Variants in SYN3 observed in about 807,000 individuals in gnomAD.
SYN3 encodes the protein synapsin III.
Under a neutral mutation model 65.8 loss-of-function variants are expected in SYN3, and 35 were observed. The ratio of observed to expected loss-of-function variants is 0.53; its 90% confidence interval spans 0.41 to 0.70. The LOEUF is 0.70. Ranked by LOEUF, SYN3 falls within the 30% of genes least tolerant of loss-of-function variation. The pLI, the probability that SYN3 is intolerant of heterozygous loss-of-function variation, is 0.00. For synonymous variants in SYN3, 270 were observed against 292.9 expected (o/e 0.92, Z 0.80); for missense variants, 680 against 749.0 (o/e 0.91, Z 1.08).
At chr22:33,044,619 T>C (rs1239455022) in intron 1 of SYN3, among the ~76,000 whole-genome samples, 1 of 151,828 alleles carries the variant, frequency 6.6e-6, no homozygotes, top group Admixed American at 6.6e-5. Context: ...CTGGTTGTCA[T>C]TTCTCCAACT....
rs1175943424 is a variant in SYN3 at position 32,513,809 on chromosome 22, CA to C, written c.1625del (p.Leu542ArgfsTer29). On this transcript the variant is annotated frameshift_variant, in exon 14 of 14. Transcript: ENST00000358763. LOFTEE classifies it high-confidence loss of function. Reference protein sequence around the residue: ...PHPHLNKSQSLTNSLSTSDTS... With the variant: ...PHPHLNKSQSXTNSLSTSDTS... The stretch of plus-strand genomic sequence containing the variant: ...TGTCGGATGTGCTGAGGCTGTTAGT[CA>C]GGGACTGAGATTTGCTGAAACAGAA... 1 of 1,613,982 alleles carries C rather than the reference CA, an allele frequency of 6.2e-7. No individual in the cohort carries two copies. Among genetic ancestry groups the C allele is most frequent in the East Asian group, 2.2e-5 (1 of 44,892 alleles).
intron 6 of SYN3, among the ~76,000 whole-genome samples, chr22:32,820,313 C>A (rs1414362838): frequency 6.8e-6 from 1 of 146,472 alleles, no homozygotes; most frequent in African/African-American, 2.5e-5. Context: ...TGTTCTACTC[C>A]GTGTGTGTGT....
chr22:32,880,358 G>A (rs1048716107), intron 4 of SYN3, among the ~76,000 whole-genome samples: 1 of 152,186 alleles, frequency 6.6e-6, no homozygotes, highest in Non-Finnish European at 1.5e-5. Flanking sequence ...GGTGACGGTG[G>A]TAGCTCAAGG....
intron 7 of SYN3, among the ~76,000 whole-genome samples, chr22:32,544,581 G>A (rs2058309242): frequency 2.0e-5 from 3 of 152,152 alleles, no homozygotes; most frequent in African/African-American, 7.2e-5. Context: ...TGAAATTAGT[G>A]AACTTTGGGA....
intron 6 of SYN3, among the ~76,000 whole-genome samples, chr22:32,754,460 T>TA (rs1264758954): frequency 1.4e-5 from 2 of 140,020 alleles, no homozygotes; most frequent in Non-Finnish European, 3.2e-5. Context: ...CCTCTTTCTT[T>TA]TAAAAAAAAG....
At chr22:32,973,492 G>A (rs995168590) in intron 3 of SYN3, among the ~76,000 whole-genome samples, 18 of 152,102 alleles carry the variant, frequency 1.2e-4, no homozygotes, top group Non-Finnish European at 2.1e-4. Context: ...TATTCCCCAA[G>A]GTAGCCACCC....
At chr22:32,792,462 T>C (rs897355999) in intron 6 of SYN3, among the ~76,000 whole-genome samples, 1 of 152,212 alleles carries the variant, frequency 6.6e-6, no homozygotes, top group African/African-American at 2.4e-5. Context: ...CAATCTCATG[T>C]TTGAAATTTC....
intron 7 of SYN3, among the ~76,000 whole-genome samples, chr22:32,559,072 G>C (rs931013201): frequency 2.0e-5 from 3 of 152,192 alleles, no homozygotes; most frequent in South Asian, 2.1e-4. Context: ...TATTCATTTA[G>C]TCTTCATAAC....
At chr22:32,641,216 C>A (rs543499856) in intron 6 of SYN3, among the ~76,000 whole-genome samples, 1 of 152,154 alleles carries the variant, frequency 6.6e-6, no homozygotes, top group African/African-American at 2.4e-5. Flanking sequence ...TGATCTGAAC[C>A]GTGGAGCTCA....
intron 6 of SYN3, among the ~76,000 whole-genome samples, chr22:32,652,807 C>T (rs962604725): frequency 6.6e-6 from 1 of 152,136 alleles, no homozygotes; most frequent in African/African-American, 2.4e-5. Flanking sequence ...AGATCAGAAC[C>T]GAGAGGTCCT....
intron 7 of SYN3, among the ~76,000 whole-genome samples, chr22:32,571,037 TG>T (rs1181221644): frequency 2.0e-5 from 3 of 152,190 alleles, no homozygotes; most frequent in Non-Finnish European, 4.4e-5. Context: ...TGTGTGTGTG[TG>T]TTTCTAAAAT....
In SYN3 at chr22:32,802,212, C is replaced by T; in HGVS notation, c.711+62703G>A. On this transcript the variant is annotated intron_variant, in intron 6 of 13. Coordinates refer to ENST00000358763, the MANE Select transcript of SYN3 (RefSeq NM_003490.4). ...AGGCAGGGCGAGCCCCACTCCTTTC[C>T]TCTGCCCCAGGAGAGGGGCAGACGG... 2.0e-6 allele frequency: 3 copies of T among 1,501,332 alleles called. No homozygotes were observed. In the South Asian group the frequency reaches 3.7e-5, roughly 19 times the overall value. The allele number at this position is 1,501,332 out of a possible 1,614,324, so 93.0% of individuals were successfully genotyped here.
intron 6 of SYN3, among the ~76,000 whole-genome samples, chr22:32,848,486 G>A (rs935061455): frequency 6.6e-6 from 1 of 152,170 alleles, no homozygotes; most frequent in Non-Finnish European, 1.5e-5. Context: ...ACAGTTAAGA[G>A]CAGTAAATAA....
In SYN3 at chr22:32,511,283, A is replaced by G. The variant is rs1165414934; in HGVS notation, c.*2409T>C. On this transcript the variant is annotated 3_prime_UTR_variant, in exon 14 of 14. Transcript: ENST00000358763. Reference sequence around the variant, plus strand: ...TAAATGGTCTGATCTATTCCTTGCCATCACCTGACCTCCCCCAAGCATGAC... The same window carrying G: ...TAAATGGTCTGATCTATTCCTTGCCGTCACCTGACCTCCCCCAAGCATGAC... Among the ~76,000 whole-genome samples, 3 of 152,182 alleles carry G rather than the reference A, an allele frequency of 2.0e-5. No individual in the cohort carries two copies. The highest frequency in any genetic ancestry group is 4.8e-5 in the African/African-American group (2 of 41,436).
chr22:32,536,891 C>G (rs144307806), intron 9 of SYN3, among the ~76,000 whole-genome samples: 1 of 152,158 alleles, frequency 6.6e-6, no homozygotes, highest in Non-Finnish European at 1.5e-5. Flanking sequence ...CCCCTTTCTG[C>G]GCAAACCAAT....
chr22:32,924,845 A>G (rs1392506181), intron 4 of SYN3, among the ~76,000 whole-genome samples: 2 of 152,200 alleles, frequency 1.3e-5, no homozygotes, highest in African/African-American at 2.4e-5. Flanking sequence ...TAATCCCAGC[A>G]CGTTAGGAGG....
chr22:32,719,566 G>C (rs1174207541), intron 6 of SYN3, among the ~76,000 whole-genome samples: 1 of 152,176 alleles, frequency 6.6e-6, no homozygotes, highest in African/African-American at 2.4e-5. Flanking sequence ...ACTGAGGCTG[G>C]GCATGGTGGC....
At chr22:32,670,090 A>C (rs760816525) in intron 6 of SYN3, among the ~76,000 whole-genome samples, 1 of 152,200 alleles carries the variant, frequency 6.6e-6, no homozygotes, top group African/African-American at 2.4e-5. Context: ...TGTTTAAGGA[A>C]TATTATTTTG....
chr22:32,841,035 A>G (rs2047886258), intron 6 of SYN3, among the ~76,000 whole-genome samples: 1 of 152,160 alleles, frequency 6.6e-6, no homozygotes, highest in South Asian at 2.1e-4. Flanking sequence ...TAAGACTTAG[A>G]AAGACTGGTC....
Sources: gnomAD v4.1 joint callset for allele counts (sites outside exome capture counted in the v4.1 genomes callset) on GRCh38, gnomAD v4.1.1 for gene constraint, MANE v1.5 for transcripts, NCBI Gene and HGNC (gene_info 2026-07-23, HGNC 2026-07-21) for gene names.